The following MMP26 variants were observed in gnomAD, a reference collection of about 807,000 sequenced individuals.
MMP26 encodes matrix metallopeptidase 26.
In MMP26, 33 loss-of-function variants were observed where a neutral mutation model predicts 31.0. The ratio of observed to expected loss-of-function variants is 1.06; its 90% CI spans 0.81 to 1.42. MMP26 has a LOEUF of 1.42. Among genes scored for constraint, MMP26 ranks in the 40% most tolerant of loss-of-function variants. The pLI is 0.00. For missense variants in MMP26, 347 were observed against 316.1 expected (o/e 1.10, Z -0.74); for synonymous variants, 122 against 114.9 (o/e 1.06, Z -0.40).
At chr11:4,900,170 C>T (rs1850779740) in intron 2 of MMP26, among the ~76,000 whole-genome samples, 1 of 152,122 alleles carries the variant, frequency 6.6e-6, no homozygotes, top group Admixed American at 6.5e-5. Flanking sequence ...GGTTGTGTGT[C>T]TACTGTTGCA....
At chr11:4,898,850 T>C (rs1269681548) in intron 2 of MMP26, among the ~76,000 whole-genome samples, 2 of 150,934 alleles carry the variant, frequency 1.3e-5, no homozygotes, top group Non-Finnish European at 3.0e-5. Context: ...TGTGTGTGTG[T>C]GTGTGTGTGT....
chr11:4,831,678 A>G lies in MMP26; in HGVS notation c.-145+64337A>G, dbSNP rs77667853. Among the ~76,000 whole-genome samples the G allele has an allele frequency of 3.6e-3, 542 of 152,268 alleles. 4 individuals are homozygous for G. The highest frequency in any genetic ancestry group is 0.01 in the African/African-American group (431 of 41,546). On this transcript the variant is annotated intron_variant, in intron 2 of 7. Coordinates refer to ENST00000380390, the MANE Select transcript of MMP26 (RefSeq NM_021801.5). ...TGTGTACCAAGATTGATAACATAAG[A>G]TTTAGGTCTCCCTTAAGTGCTGTGA...
intron 2 of MMP26, among the ~76,000 whole-genome samples, chr11:4,835,191 C>T (rs932713164): frequency 1.4e-5 from 2 of 142,640 alleles, no homozygotes; most frequent in Non-Finnish European, 3.1e-5. Context: ...CTCTCTCTTC[C>T]TCTCTCTTTC....
intron 2 of MMP26, among the ~76,000 whole-genome samples, chr11:4,819,558 G>T (rs544257944): frequency 7.5e-6 from 1 of 132,920 alleles, no homozygotes; most frequent in South Asian, 2.5e-4. Flanking sequence ...ACTGAAATGA[G>T]TCGACTGATT....
intron 1 of MMP26, among the ~76,000 whole-genome samples, chr11:4,762,180 A>G (rs1397531890): frequency 6.6e-6 from 1 of 152,218 alleles, no homozygotes; most frequent in Admixed American, 6.5e-5. Flanking sequence ...CAGTAATATT[A>G]CTAAATTAAT....
At chr11:4,844,091 A>G (rs534239425) in intron 2 of MMP26, among the ~76,000 whole-genome samples, 9 of 152,302 alleles carry the variant, frequency 5.9e-5, no homozygotes, top group Admixed American at 1.3e-4. Context: ...AAAAGGAAAC[A>G]TTACAACTGA....
intron 1 of MMP26, among the ~76,000 whole-genome samples, chr11:4,761,714 C>T (rs1316667824): frequency 6.6e-6 from 1 of 152,038 alleles, no homozygotes; most frequent in Admixed American, 6.6e-5. Context: ...GGTTTTTGTT[C>T]TGCTATATGT....
intron 2 of MMP26, among the ~76,000 whole-genome samples, chr11:4,971,708 G>A (rs1846668623): frequency 6.6e-6 from 1 of 152,182 alleles, no homozygotes; most frequent in African/African-American, 2.4e-5. Flanking sequence ...TAGCAAAATG[G>A]GTTTATTTGG....
In MMP26 at chr11:4,918,176, G is replaced by T. The variant is rs1180540401; in HGVS notation, c.-144-69892G>T. 3.3e-5 allele frequency among the ~76,000 whole-genome samples: 5 copies of T among 152,020 alleles called. No individual in the cohort carries two copies. The East Asian group carries it at 9.7e-4, about 30-fold the overall frequency. ...AATTTTATAATATCCCTAGAATCACGCAGCCAGTCAGTGCCGGAGCTGGAA... is the reference window on the plus strand; with the variant it reads ...AATTTTATAATATCCCTAGAATCACTCAGCCAGTCAGTGCCGGAGCTGGAA... On this transcript the variant is annotated intron_variant, in intron 2 of 7. Transcript: ENST00000380390.
chr11:4,760,473 A>G (rs979263515), intron 1 of MMP26, among the ~76,000 whole-genome samples: 1 of 152,220 alleles, frequency 6.6e-6, no homozygotes, highest in Non-Finnish European at 1.5e-5. Context: ...TTTGGCTGAA[A>G]TATGAGCCAG....
chr11:4,848,815 G>A, intron 2 of MMP26: 2 of 1,614,158 alleles, frequency 1.2e-6, no homozygotes, highest in Non-Finnish European at 1.7e-6. Context: ...CAGATGGCCA[G>A]TGCCCGATCA....
At chr11:4,989,549 C>G in intron 3 of MMP26, 99 bp from the exon 4 acceptor site, 1 of 895,176 alleles carries the variant, frequency 1.1e-6, no homozygotes, top group South Asian at 1.6e-5. Flanking sequence ...GACTAAGTAC[C>G]GTCCTTCTGA....
chr11:4,857,707 C>T (rs573927760), intron 2 of MMP26, among the ~76,000 whole-genome samples: 1 of 152,298 alleles, frequency 6.6e-6, no homozygotes, highest in East Asian at 1.9e-4. Flanking sequence ...AAGAGGGAAT[C>T]CTCCCTAAAT....
chr11:4,841,997 A>G (rs936936391), intron 2 of MMP26, among the ~76,000 whole-genome samples: 1 of 152,202 alleles, frequency 6.6e-6, no homozygotes, highest in South Asian at 2.1e-4. Flanking sequence ...ACTTTAAGGT[A>G]GTAATACAAA....
intron 2 of MMP26, among the ~76,000 whole-genome samples, chr11:4,777,488 T>C (rs1848804662): frequency 6.6e-6 from 1 of 152,140 alleles, no homozygotes; most frequent in Admixed American, 6.6e-5. Flanking sequence ...GAAGTATACA[T>C]ACATCACAGT....
intron 2 of MMP26, among the ~76,000 whole-genome samples, chr11:4,865,588 TC>T (rs1485689877): frequency 1.7e-4 from 25 of 146,022 alleles, no homozygotes; most frequent in African/African-American, 6.9e-4. Context: ...TTCTTCTTCC[TC>T]CTCCTCCTCC....
intron 1 of MMP26, among the ~76,000 whole-genome samples, chr11:4,755,890 T>C (rs1337364238): frequency 6.6e-6 from 1 of 152,078 alleles, no homozygotes; most frequent in Non-Finnish European, 1.5e-5. Flanking sequence ...CTTTAAAATA[T>C]TTCATTAATA....
At chr11:4,942,269 C>T (rs1293491476) in intron 2 of MMP26, among the ~76,000 whole-genome samples, 1 of 151,706 alleles carries the variant, frequency 6.6e-6, no homozygotes, top group Non-Finnish European at 1.5e-5. Flanking sequence ...TTCAATTATA[C>T]TACATTTGTT....
chr11:4,716,650 C>CT (rs71050424), intron 1 of MMP26, among the ~76,000 whole-genome samples: 10,178 of 64,452 alleles, frequency 0.16, 3,593 homozygotes, highest in African/African-American at 0.32. Context: ...TCTCTTACCT[C>CT]TTTTTTTTTT....
Sources: allele counts gnomAD v4.1 joint callset (sites outside exome capture counted in the v4.1 genomes callset), GRCh38; gene constraint gnomAD v4.1.1; transcripts MANE v1.5; gene names NCBI Gene and HGNC (gene_info 2026-07-23, HGNC 2026-07-21).